LUZP2: variants seen among roughly 807,000 people sequenced by gnomAD.
LUZP2 encodes leucine zipper protein 2.
LUZP2 carries 52 observed loss-of-function variants against 51.6 expected under a neutral mutation model. The observed-to-expected ratio is 1.01, with a 90% CI of 0.81 to 1.27. LUZP2 has a LOEUF of 1.27. LUZP2 is among the 50% of genes most tolerant of loss of function. LUZP2 has a pLI of 0.00. For synonymous variants in LUZP2, 154 were observed against 137.3 expected (o/e 1.12, Z -0.85); for missense variants, 436 against 395.4 (o/e 1.10, Z -0.87).
At chr11:24,545,555 C>CTTTTTTTTTTTTTT (rs3992984) in intron 1 of LUZP2, among the ~76,000 whole-genome samples, 1 of 120,796 alleles carries the variant, frequency 8.3e-6, no homozygotes, top group Non-Finnish European at 1.7e-5. Context: ...TTGTTGCTTG[C>CTTTTTTTTTTTTTT]TTTTTTTTTT....
At chr11:24,932,903 C>G (rs1854496719) in intron 7 of LUZP2, among the ~76,000 whole-genome samples, 1 of 152,170 alleles carries the variant, frequency 6.6e-6, no homozygotes, top group Admixed American at 6.5e-5. Flanking sequence ...GTGGTCTTTT[C>G]CCAATTCCTC....
chr11:25,026,849 AT>A (rs1213039939), intron 9 of LUZP2, among the ~76,000 whole-genome samples: 18 of 148,064 alleles, frequency 1.2e-4, no homozygotes, highest in South Asian at 4.3e-4. Flanking sequence ...TCACCTTTTT[AT>A]TTTTTTTATT....
chr11:24,796,720 A>G (rs1849557283), intron 5 of LUZP2, among the ~76,000 whole-genome samples: 1 of 152,176 alleles, frequency 6.6e-6, no homozygotes, highest in African/African-American at 2.4e-5. Flanking sequence ...TGCAGATCAT[A>G]TAATACGTTT....
chr11:24,717,793 C>T (rs559091504), intron 1 of LUZP2, among the ~76,000 whole-genome samples: 1 of 152,160 alleles, frequency 6.6e-6, no homozygotes, highest in South Asian at 2.1e-4. Context: ...GTTTTCCCTT[C>T]TTTGTGTTCG....
chr11:24,503,562 T>C (rs1167735681), intron 1 of LUZP2, among the ~76,000 whole-genome samples: 2 of 152,204 alleles, frequency 1.3e-5, no homozygotes, highest in Non-Finnish European at 2.9e-5. Context: ...TTGGTGTTGC[T>C]TTCCAGTGTT....
chr11:24,544,189 G>T (rs1851469362), intron 1 of LUZP2, among the ~76,000 whole-genome samples: 1 of 152,068 alleles, frequency 6.6e-6, no homozygotes, highest in African/African-American at 2.4e-5. Flanking sequence ...TGTGTGTCTG[G>T]TTCCGATGAT....
intron 10 of LUZP2, among the ~76,000 whole-genome samples, chr11:25,068,486 A>T (rs1184691157): frequency 6.6e-6 from 1 of 151,970 alleles, no homozygotes; most frequent in African/African-American, 2.4e-5. Flanking sequence ...GCCATATGAG[A>T]GAAGAAAAAT....
At chr11:24,897,938 T>C (rs1475771184) in intron 5 of LUZP2, among the ~76,000 whole-genome samples, 2 of 152,178 alleles carry the variant, frequency 1.3e-5, no homozygotes, top group Non-Finnish European at 2.9e-5. Context: ...AATAACATAG[T>C]GAAATTTGCA....
chr11:25,010,878 C>T (rs925709532), intron 9 of LUZP2, among the ~76,000 whole-genome samples: 1 of 152,004 alleles, frequency 6.6e-6, no homozygotes, highest in African/African-American at 2.4e-5. Flanking sequence ...ATAATAACAA[C>T]ACTGCGAAGT....
At chr11:24,641,310 C>T (rs1855273501) in intron 1 of LUZP2, among the ~76,000 whole-genome samples, 1 of 151,720 alleles carries the variant, frequency 6.6e-6, no homozygotes, top group African/African-American at 2.4e-5. Context: ...ATGATATCAA[C>T]AACTTGCAGT....
intron 5 of LUZP2, 85 bp downstream of exon 5, chr11:24,763,393 G>A: frequency 3.9e-6 from 2 of 518,162 alleles, no homozygotes; most frequent in Non-Finnish European, 6.6e-6. Context: ...CTAGTTTGGA[G>A]TATTAAACAC....
At chr11:24,598,230 A>G (rs1267870819) in intron 1 of LUZP2, among the ~76,000 whole-genome samples, 1 of 152,190 alleles carries the variant, frequency 6.6e-6, no homozygotes, top group Non-Finnish European at 1.5e-5. Flanking sequence ...AGAAAAGCAA[A>G]ATGAGAGTTA....
intron 1 of LUZP2, among the ~76,000 whole-genome samples, chr11:24,656,959 T>C (rs1267249388): frequency 1.3e-5 from 2 of 152,162 alleles, no homozygotes; most frequent in Non-Finnish European, 2.9e-5. Flanking sequence ...CCTTTTGCCA[T>C]GTAACTATTC....
intron 5 of LUZP2, among the ~76,000 whole-genome samples, chr11:24,769,940 G>A (rs1193758168): frequency 6.6e-6 from 1 of 151,968 alleles, no homozygotes; most frequent in Non-Finnish European, 1.5e-5. Flanking sequence ...CTATAGACAT[G>A]CACCAGCACC....
intron 1 of LUZP2, among the ~76,000 whole-genome samples, chr11:24,566,905 AT>A (rs1564995441): frequency 7.0e-6 from 1 of 142,540 alleles, no homozygotes; most frequent in African/African-American, 2.6e-5. Context: ...TATATATGTT[AT>A]ATATATATAT....
chr11:24,762,081 C>A (rs556509121), intron 4 of LUZP2, among the ~76,000 whole-genome samples: 1 of 42,774 alleles, frequency 2.3e-5, no homozygotes, highest in Non-Finnish European at 4.2e-5. Context: ...GGTTAGCCCA[C>A]AGGCATTTTA....
At chr11:24,545,803 T>A (rs1851521682) in intron 1 of LUZP2, among the ~76,000 whole-genome samples, 1 of 152,094 alleles carries the variant, frequency 6.6e-6, no homozygotes, top group Admixed American at 6.6e-5. Context: ...TTTAAAATAG[T>A]TATTTCTAAT....
chr11:24,750,934 A>T (rs574182882), intron 4 of LUZP2, among the ~76,000 whole-genome samples: 6 of 152,292 alleles, frequency 3.9e-5, no homozygotes, highest in African/African-American at 1.4e-4. Context: ...TTGACTTTCT[A>T]CACTTTTATA....
At chr11:24,765,709 G>A (rs1860165363) in intron 5 of LUZP2, among the ~76,000 whole-genome samples, 1 of 148,448 alleles carries the variant, frequency 6.7e-6, no homozygotes, top group African/African-American at 2.5e-5. Flanking sequence ...CTCACTGCAA[G>A]CTGCGCCTCC....
Sources: gnomAD v4.1 joint callset for allele counts (sites outside exome capture counted in the v4.1 genomes callset) on GRCh38, gnomAD v4.1.1 for gene constraint, MANE v1.5 for transcripts, NCBI Gene and HGNC (gene_info 2026-07-23, HGNC 2026-07-21) for gene names.